ARHGEF3: variants seen among roughly 807,000 people sequenced by gnomAD.
ARHGEF3 encodes Rho guanine nucleotide exchange factor 3.
Under a neutral mutation model 63.2 loss-of-function variants are expected in ARHGEF3, and 28 were observed. The ratio of observed to expected loss-of-function variants is 0.44; its 90% CI spans 0.33 to 0.61. The LOEUF (loss-of-function observed/expected upper bound fraction) is 0.61, where lower values mean the gene tolerates loss of function less well. Among genes scored for constraint, ARHGEF3 ranks in the 20% least tolerant of loss-of-function variants. The pLI is 0.03. For synonymous variants in ARHGEF3, 266 were observed against 254.2 expected, an observed-to-expected ratio of 1.05 and a Z score of -0.44; for missense variants, 533 against 659.3, an observed-to-expected ratio of 0.81 and a Z score of 2.10.
At chr3:56,830,259 C>T (rs1331879769) in intron 4 of ARHGEF3, among the ~76,000 whole-genome samples, 1 of 151,964 alleles carries the variant, frequency 6.6e-6, no homozygotes, top group South Asian at 2.1e-4. Flanking sequence ...GGAGGTGGTG[C>T]TGGTGGGGAT....
chr3:56,950,586 T>C (rs1287431733), intron 3 of ARHGEF3, among the ~76,000 whole-genome samples: 2 of 152,030 alleles, frequency 1.3e-5, no homozygotes, highest in Non-Finnish European at 2.9e-5. Context: ...TGAGATACCA[T>C]CTCACACCAG....
intron 4 of ARHGEF3, among the ~76,000 whole-genome samples, chr3:56,869,250 T>C (rs1240571355): frequency 6.6e-6 from 1 of 152,194 alleles, no homozygotes; most frequent in Non-Finnish European, 1.5e-5. Flanking sequence ...GCAGGATTGC[T>C]AAGGAGTTAA....
rs1465452024 is a variant in ARHGEF3, at chr3:56,775,796, GCAAGCACACACACACACACA to G, written c.97-2000_97-1981del. The G allele has an allele frequency of 7.8e-5, 24 of 307,232 alleles. No individual in the cohort carries two copies. The East Asian group carries it at 5.0e-3, about 64-fold the overall frequency. The allele number at this position is 307,232 out of a possible 1,614,324, so 19.0% of individuals were successfully genotyped here. On this transcript the variant is annotated intron_variant, in intron 1 of 9. Transcript: ENST00000296315. ...ACTGAATACACACACACACACACGC[GCAAGCACACACACACACACA>G]CACACTGCCTCTTAAGCATCCCCTG... is the stretch of plus-strand genomic sequence containing the variant.
chr3:56,893,353 C>T (rs2041186436), intron 3 of ARHGEF3, among the ~76,000 whole-genome samples: 2 of 152,048 alleles, frequency 1.3e-5, no homozygotes, highest in Admixed American at 6.6e-5. Context: ...AATTATTTTA[C>T]TGTTATGTAG....
At chr3:56,864,802 T>A (rs942165395) in intron 4 of ARHGEF3, among the ~76,000 whole-genome samples, 1 of 152,240 alleles carries the variant, frequency 6.6e-6, no homozygotes, top group African/African-American at 2.4e-5. Context: ...CCACTTAACA[T>A]AGACCTTCCT....
chr3:56,783,668 G>A (rs1331332402), intron 1 of ARHGEF3, among the ~76,000 whole-genome samples: 1 of 152,162 alleles, frequency 6.6e-6, no homozygotes, highest in African/African-American at 2.4e-5. Context: ...AGCAGCCTAG[G>A]TTACAAACAT....
chr3:56,836,032 G>A (rs1462398796), intron 4 of ARHGEF3, among the ~76,000 whole-genome samples: 2 of 152,180 alleles, frequency 1.3e-5, no homozygotes, highest in African/African-American at 2.4e-5. Context: ...TGGTAAAAAT[G>A]ACCTTCGTGA....
intron 1 of ARHGEF3, among the ~76,000 whole-genome samples, chr3:57,071,414 C>A (rs545336186): frequency 6.6e-6 from 1 of 152,268 alleles, no homozygotes; most frequent in South Asian, 2.1e-4. Context: ...GTAATCCCAG[C>A]ACTTTGGGAG....
intron 1 of ARHGEF3, chr3:57,035,270 T>A: frequency 1.6e-6 from 1 of 644,296 alleles, no homozygotes; most frequent in Non-Finnish European, 2.4e-6. Context: ...GGGGAATATA[T>A]CAAGGGTTAC....
intron 2 of ARHGEF3, among the ~76,000 whole-genome samples, chr3:56,994,765 A>C (rs1701907402): frequency 6.6e-6 from 1 of 151,672 alleles, no homozygotes; most frequent in African/African-American, 2.4e-5. Flanking sequence ...AAGATGCGGC[A>C]GGAATGATGA....
intron 1 of ARHGEF3, among the ~76,000 whole-genome samples, chr3:56,782,515 G>GC (rs1329580316): frequency 6.6e-6 from 1 of 151,546 alleles, no homozygotes; most frequent in Non-Finnish European, 1.5e-5. Flanking sequence ...GTTTTCTCCG[G>GC]CCGTGAGTTT....
chr3:56,801,582 C>T, intron 1 of ARHGEF3, 121 bp downstream of exon 1: 2 of 1,314,832 alleles, frequency 1.5e-6, no homozygotes, highest in Non-Finnish European at 2.1e-6. Context: ...AAGTGGCACA[C>T]ACGGAGAGTG....
chr3:56,761,134 C>G (rs1448783441), intron 2 of ARHGEF3, among the ~76,000 whole-genome samples: 1 of 152,092 alleles, frequency 6.6e-6, no homozygotes, highest in Non-Finnish European at 1.5e-5. Flanking sequence ...TAAAAGAATA[C>G]CAAACCAGTG....
intron 2 of ARHGEF3, chr3:56,975,874 G>T: frequency 3.1e-6 from 1 of 322,226 alleles, no homozygotes; most frequent in Non-Finnish European, 6.1e-6. Flanking sequence ...TTATTCACTG[G>T]TTTTTCTACA....
intron 1 of ARHGEF3, among the ~76,000 whole-genome samples, chr3:56,789,615 G>T (rs1448084650): frequency 2.0e-5 from 3 of 152,126 alleles, no homozygotes; most frequent in South Asian, 2.1e-4. Context: ...TCTAATCCTA[G>T]AAAGCCCCTC....
chr3:56,729,160 A>G lies in ARHGEF3; in HGVS notation c.*110T>C, dbSNP rs903786492. 4 of 939,390 alleles carry G rather than the reference A, an allele frequency of 4.3e-6. No homozygotes were observed. The highest frequency in any genetic ancestry group is 1.7e-5 in the South Asian group (1 of 57,446). 58.2% of individuals were successfully genotyped at this position (939,390 alleles called of 1,614,324 possible). ...GATACGAGAGACTGGGCCAACATGT[A>G]TACTTTCACAAAAGTATGAAAAAGT... On this transcript the variant is annotated 3_prime_UTR_variant, in exon 10 of 10. Transcript: ENST00000296315.
chr3:56,919,068 C>G (rs1041050476), intron 3 of ARHGEF3, among the ~76,000 whole-genome samples: 1 of 152,086 alleles, frequency 6.6e-6, no homozygotes, highest in African/African-American at 2.4e-5. Context: ...AAAGAAAAGG[C>G]CAGGTGGGCA....
At chr3:57,047,211 G>T (rs367678033) in intron 1 of ARHGEF3, among the ~76,000 whole-genome samples, 18 of 152,286 alleles carry the variant, frequency 1.2e-4, no homozygotes, top group African/African-American at 2.2e-4. Context: ...AGCTGGGCGT[G>T]GTAGCATGAG....
chr3:56,965,855 A>G (rs751627889), intron 2 of ARHGEF3, among the ~76,000 whole-genome samples: 21 of 151,926 alleles, frequency 1.4e-4, no homozygotes, highest in Non-Finnish European at 2.6e-4. Flanking sequence ...TCACCGTGTT[A>G]GCCAGGATGG....
Sources: allele counts gnomAD v4.1 joint callset (sites outside exome capture counted in the v4.1 genomes callset), GRCh38; gene constraint gnomAD v4.1.1; transcripts MANE v1.5; gene names NCBI Gene and HGNC (gene_info 2026-07-23, HGNC 2026-07-21).